MPRIP: variants seen among roughly 807,000 people sequenced by gnomAD.
MPRIP encodes myosin phosphatase Rho-interacting protein.
MPRIP carries 59 observed loss-of-function variants against 234.9 expected under a neutral mutation model. The ratio of observed to expected loss-of-function variants is 0.25; its 90% CI spans 0.20 to 0.31. The LOEUF (loss-of-function observed/expected upper bound fraction) is 0.31, where lower values mean the gene tolerates loss of function less well. Ranked by LOEUF, MPRIP falls within the 10% of genes least tolerant of loss-of-function variation. The probability of loss-of-function intolerance (pLI) is 1.00; values close to 1 mark genes in which losing one functional copy is unlikely to be tolerated. For missense variants in MPRIP, 2,436 were observed against 3,071.0 expected (o/e 0.79, Z 4.89); for synonymous variants, 1,144 against 1,263.9 (o/e 0.91, Z 2.01).
In MPRIP at chr17:17,159,069, G is replaced by T. The variant is rs150703440; in HGVS notation, c.2400+67G>T. On this transcript the variant is annotated intron_variant, in intron 14 of 23. Transcript: ENST00000651222. ...CTTTCCAGAGCATCAGCTGTGCCCA[G>T]CTGTGGCCTGAGGGGTTCATCTAGA... 4,910 of 1,503,750 alleles carry T rather than the reference G, an allele frequency of 3.3e-3. 18 individuals are homozygous for T. Among genetic ancestry groups the T allele is most frequent in the Middle Eastern group, 4.7e-3 (26 of 5,516 alleles). 93.2% of individuals were successfully genotyped at this position (1,503,750 alleles called of 1,614,324 possible). A position where few individuals can be genotyped will look rare whatever the true frequency, so the allele number is the denominator to read the frequency against.
chr17:17,080,180 G>A (rs2089430190), intron 3 of MPRIP, among the ~76,000 whole-genome samples: 2 of 152,230 alleles, frequency 1.3e-5, no homozygotes, highest in African/African-American at 4.8e-5. Context: ...GCTGTGGAGG[G>A]GTTTCCCTGT....
At chr17:17,180,681 C>G in intron 23 of MPRIP, 1 of 1,609,500 alleles carries the variant, frequency 6.2e-7, no homozygotes, top group African/African-American at 1.3e-5. Context: ...TAAACCGCCT[C>G]TCCCACCGCC....
At chr17:17,101,560 A>G (rs983514588) in intron 3 of MPRIP, among the ~76,000 whole-genome samples, 5 of 152,122 alleles carry the variant, frequency 3.3e-5, no homozygotes, top group African/African-American at 1.2e-4. Context: ...ACAAGAGTGA[A>G]ACTCCATCTC....
At chr17:17,163,928 T>A (rs367860132) in intron 15 of MPRIP, among the ~76,000 whole-genome samples, 181 bp from the exon 16 acceptor site, 44 of 129,400 alleles carry the variant, frequency 3.4e-4, no homozygotes, top group Middle Eastern at 3.9e-3. Flanking sequence ...AGCTACTTAC[T>A]AAAAAAAAAA....
intron 1 of MPRIP, among the ~76,000 whole-genome samples, chr17:17,047,802 G>C (rs941461406): frequency 9.9e-5 from 15 of 152,188 alleles, no homozygotes; most frequent in African/African-American, 3.6e-4. Flanking sequence ...GTAGAGGGAG[G>C]CTGGGTTGGA....
chr17:17,125,143 G>A (rs2090466506), intron 3 of MPRIP, among the ~76,000 whole-genome samples: 1 of 152,228 alleles, frequency 6.6e-6, no homozygotes, highest in Admixed American at 6.5e-5. Flanking sequence ...GACCCTCCAA[G>A]AGTGTCTGGA....
chr17:17,168,091 C>G (rs1054366661), intron 16 of MPRIP, 176 bp downstream of exon 16: 1 of 449,210 alleles, frequency 2.2e-6, no homozygotes, highest in South Asian at 2.0e-5. Context: ...GCCTCTTGTT[C>G]GGCATCCCCC....
At chr17:17,066,652 G>C (rs1205114889) in intron 1 of MPRIP, among the ~76,000 whole-genome samples, 1 of 139,480 alleles carries the variant, frequency 7.2e-6, no homozygotes, top group Non-Finnish European at 1.5e-5. Context: ...ATTGCTTTCA[G>C]TTGGAACTCA....
intron 16 of MPRIP, chr17:17,171,447 C>T: frequency 1.1e-5 from 4 of 373,694 alleles, no homozygotes; most frequent in Non-Finnish European, 1.9e-5. Context: ...ATACCAACTT[C>T]TCCCAGGAAG....
intron 3 of MPRIP, among the ~76,000 whole-genome samples, chr17:17,091,630 C>T (rs1384863738): frequency 6.6e-6 from 1 of 152,198 alleles, no homozygotes; most frequent in Non-Finnish European, 1.5e-5. Context: ...TTTCCAGTGC[C>T]CTTTTCACTA....
intron 8 of MPRIP, among the ~76,000 whole-genome samples, chr17:17,143,290 C>CA (rs1412430595): frequency 6.6e-6 from 1 of 152,178 alleles, no homozygotes; most frequent in African/African-American, 2.4e-5. Flanking sequence ...TTCTGTGACC[C>CA]AGAGAAGCTG....
rs2045684465 is a variant in MPRIP, at chr17:17,154,486, G to A, written c.1829+71G>A. 3.0e-6 allele frequency: 4 copies of A among 1,347,136 alleles called. No individual in the cohort carries two copies. The Admixed American group carries it at 6.9e-5, about 23-fold the overall frequency. The allele number at this position is 1,347,136 out of a possible 1,614,324, so 83.4% of individuals were successfully genotyped here. ...TGCCACTCCCGCCAGGGCAGTGTCAGACTCAGGTCTGAAGTCTGAGACCTG... is the reference window on the plus strand; with the variant it reads ...TGCCACTCCCGCCAGGGCAGTGTCAAACTCAGGTCTGAAGTCTGAGACCTG... On this transcript the variant is annotated intron_variant, in intron 13 of 23. Coordinates refer to ENST00000651222, the MANE Select transcript of MPRIP (RefSeq NM_001364716.4).
At chr17:17,077,709 G>A (rs1480167436) in intron 2 of MPRIP, 7 of 361,568 alleles carry the variant, frequency 1.9e-5, no homozygotes, top group East Asian at 5.1e-5. Flanking sequence ...AATACAAAAA[G>A]GTAACCACAC....
intron 19 of MPRIP, 41 bp from the exon 20 acceptor site, chr17:17,175,252 A>G (rs2046229851): frequency 1.2e-6 from 2 of 1,611,836 alleles, no homozygotes; most frequent in Non-Finnish European, 1.7e-6. Flanking sequence ...ACTTGGCCCC[A>G]GGCAGCTCTG....
chr17:17,089,558 C>G (rs2089667811), intron 3 of MPRIP, among the ~76,000 whole-genome samples: 1 of 152,038 alleles, frequency 6.6e-6, no homozygotes, highest in African/African-American at 2.4e-5. Flanking sequence ...GCCTTGAGCT[C>G]CTGGGCCCAA....
Position 17,164,928 on chromosome 17 carries a change from C to T in MPRIP, c.3337C>T (p.Arg1113Trp), listed in dbSNP as rs1263923332. Residue 1113 changes from arginine to tryptophan, a missense_variant, in exon 16 of 24, where the codon CGG becomes TGG. Arg to Trp is a moderately radical substitution (Grantham distance 101). This residue lies in a region of MPRIP where 1,998 missense variants were observed against 2,520.3 expected (regional missense o/e 0.79). Coordinates refer to ENST00000651222, the MANE Select transcript of MPRIP (RefSeq NM_001364716.4). ...TGACGAGCGGGACCTCCTCAGACAGCGGTTCCAGGAGCTGACAGAGCGCGT... is the reference window on the plus strand; with the variant it reads ...TGACGAGCGGGACCTCCTCAGACAGTGGTTCCAGGAGCTGACAGAGCGCGT... ...LCDERDLLRQ[R>W]FQELTERVAT... 14 of 1,303,636 alleles carry T rather than the reference C, an allele frequency of 1.1e-5. No homozygotes were observed. Among genetic ancestry groups the T allele is most frequent in the Non-Finnish European group, 1.0e-5 (10 of 988,730 alleles). The allele number at this position is 1,303,636 out of a possible 1,614,324, so 80.8% of individuals were successfully genotyped here.
rs775672897 is a variant in MPRIP, at chr17:17,184,844, G to A, written c.7228G>A (p.Val2410Met). ...RSKSLKEGLT[V>M]QERLKLFESR... The stretch of plus-strand genomic sequence containing the variant: ...CCAGAGTCTGAAGGAAGGCCTGACG[G>A]TGCAAGAACGGTTGAAGCTCTTTGA... Residue 2410 changes from valine to methionine, a missense_variant, in exon 24 of 24, where the codon GTG becomes ATG. Around this residue, in one of 4 missense-constraint regions of MPRIP, gnomAD observed 1,998 missense variants for 2,520.3 expected, o/e 0.79. Transcript: ENST00000651222. 3 of 1,613,050 alleles carry A rather than the reference G, an allele frequency of 1.9e-6. No individual in the cohort carries two copies. Among genetic ancestry groups the A allele is most frequent in the Admixed American group, 3.3e-5 (2 of 59,986 alleles).
chr17:17,133,758 A>G (rs867938176), intron 5 of MPRIP, among the ~76,000 whole-genome samples: 8 of 152,314 alleles, frequency 5.3e-5, no homozygotes, highest in East Asian at 3.9e-4. Context: ...TGAGGGCGGG[A>G]GTCTCAATAG....
At chr17:17,087,029 G>A (rs900357320) in intron 3 of MPRIP, among the ~76,000 whole-genome samples, 21 of 152,116 alleles carry the variant, frequency 1.4e-4, no homozygotes, top group African/African-American at 5.1e-4. Context: ...TCTGCCTTTG[G>A]GAGCTTTCTT....
Sources: gnomAD v4.1 joint callset for allele counts (sites outside exome capture counted in the v4.1 genomes callset) on GRCh38, gnomAD v4.1.1 for gene constraint, gnomAD v4.1.1 regional missense constraint, MANE v1.5 for transcripts, NCBI Gene and HGNC (gene_info 2026-07-23, HGNC 2026-07-21) for gene names.